AFF1: variants seen among roughly 807,000 people sequenced by gnomAD.
AFF1 encodes AF4/FMR2 family member 1.
A neutral mutation model predicts 121.7 loss-of-function variants in AFF1; 48 were observed. That is an observed-to-expected ratio of 0.39 (90% confidence interval 0.31 to 0.50). The LOEUF is 0.50. Among genes scored for constraint, AFF1 ranks in the 20% least tolerant of loss-of-function variants. The pLI is 0.76. For missense variants in AFF1, 1,523 were observed against 1,511.7 expected (o/e 1.01, Z -0.12); for synonymous variants, 613 against 563.0 (o/e 1.09, Z -1.26).
At chr4:87,035,597 G>T (rs1432519162) in intron 2 of AFF1, among the ~76,000 whole-genome samples, 1 of 151,848 alleles carries the variant, frequency 6.6e-6, no homozygotes, top group East Asian at 1.9e-4. Context: ...CTTTAGTCCT[G>T]TAGGCACCAG....
chr4:86,983,562 A>G (rs754496721), intron 2 of AFF1, among the ~76,000 whole-genome samples: 1 of 151,804 alleles, frequency 6.6e-6, no homozygotes, highest in Non-Finnish European at 1.5e-5. Flanking sequence ...TAAAAATACT[A>G]AAAATATAAA....
At chr4:87,127,758 T>G in intron 16 of AFF1, 55 bp downstream of exon 16, 1 of 1,562,632 alleles carries the variant, frequency 6.4e-7, no homozygotes, top group Non-Finnish European at 8.8e-7. Context: ...GTAAAAAAAA[T>G]TTTTGGTAGT....
chr4:86,958,484 A>G (rs1194668525), intron 2 of AFF1, among the ~76,000 whole-genome samples: 1 of 151,390 alleles, frequency 6.6e-6, no homozygotes, highest in African/African-American at 2.4e-5. Context: ...TTGGGAGGCC[A>G]CGGTGGGTAA....
chr4:87,105,794 T>C lies in AFF1; in HGVS notation c.1339-14T>C, dbSNP rs769015977. On this transcript the variant is annotated splice_polypyrimidine_tract_variant and intron_variant, in intron 9 of 20. Coordinates refer to ENST00000395146, the MANE Select transcript of AFF1 (RefSeq NM_001166693.3). ...CTTTTCCTGGTCTTTCTTCCCCTTA[T>C]TGTGAATGCCTAGACCCCAGAGAAG... The C allele has an allele frequency of 6.2e-7, 1 of 1,614,132 alleles. No homozygotes were observed. Among genetic ancestry groups the C allele is most frequent in the Non-Finnish European group, 8.5e-7 (1 of 1,180,016 alleles).
At chr4:86,950,862 T>C (rs764816057) in intron 2 of AFF1, among the ~76,000 whole-genome samples, 1 of 152,254 alleles carries the variant, frequency 6.6e-6, no homozygotes, top group Non-Finnish European at 1.5e-5. Flanking sequence ...TGTAGTTAAA[T>C]GTCTTGTCCT....
At chr4:86,972,856 T>A (rs908622399) in intron 2 of AFF1, among the ~76,000 whole-genome samples, 1 of 152,218 alleles carries the variant, frequency 6.6e-6, no homozygotes, top group African/African-American at 2.4e-5. Flanking sequence ...TATTTAGATT[T>A]ATTCCACTGC....
intron 10 of AFF1, 149 bp from the exon 11 acceptor site, chr4:87,108,010 G>T: frequency 2.9e-6 from 2 of 701,102 alleles, no homozygotes; most frequent in Non-Finnish European, 4.3e-6. Context: ...AAACTACTTT[G>T]GGCCTCTCTC....
chr4:87,105,832 T>C lies in AFF1; in HGVS notation c.1363T>C (p.Ser455Pro). Reference protein sequence around the residue: ...EQTPEKPPSSSAPPSAPQSLP... With the variant: ...EQTPEKPPSSPAPPSAPQSLP... Reference sequence around the variant, plus strand: ...GACCCCAGAGAAGCCTCCCTCCTCATCTGCACCTCCAAGGTACCGTGTGGG... The same window carrying C: ...GACCCCAGAGAAGCCTCCCTCCTCACCTGCACCTCCAAGGTACCGTGTGGG... Residue 455 changes from serine to proline, a missense_variant, in exon 10 of 21, where the codon TCT becomes CCT. This residue lies in a region of AFF1 where 905 missense variants were observed against 842.5 expected (regional missense o/e 1.07). Transcript: ENST00000395146. The C allele has an allele frequency of 1.2e-6, 2 of 1,614,166 alleles. No homozygotes were observed. The highest frequency in any genetic ancestry group is 1.7e-6 in the Non-Finnish European group (2 of 1,180,020).
chr4:87,116,968 C>G (rs548045245), intron 12 of AFF1, among the ~76,000 whole-genome samples: 1 of 152,268 alleles, frequency 6.6e-6, no homozygotes, highest in East Asian at 1.9e-4. Flanking sequence ...GCTCCCTGTC[C>G]TGGTAAATCT....
intron 2 of AFF1, among the ~76,000 whole-genome samples, chr4:87,018,377 G>A (rs1400626983): frequency 6.6e-6 from 1 of 152,210 alleles, no homozygotes; most frequent in African/African-American, 2.4e-5. Flanking sequence ...GAATAATAGG[G>A]GGTGGGGAAT....
At chr4:86,990,075 A>G (rs1267979416) in intron 2 of AFF1, among the ~76,000 whole-genome samples, 2 of 152,158 alleles carry the variant, frequency 1.3e-5, no homozygotes, top group Admixed American at 1.3e-4. Context: ...TACCCAATGT[A>G]GATGACAGGT....
chr4:87,129,181 G>A (rs1288011606), intron 16 of AFF1, among the ~76,000 whole-genome samples: 1 of 152,166 alleles, frequency 6.6e-6, no homozygotes, highest in African/African-American at 2.4e-5. Context: ...CTTAAAATAT[G>A]CCAGCTTGGA....
At chr4:86,999,636 A>G (rs1214845036) in intron 2 of AFF1, among the ~76,000 whole-genome samples, 3 of 152,200 alleles carry the variant, frequency 2.0e-5, no homozygotes, top group Admixed American at 2.0e-4. Context: ...GTTACTGATG[A>G]TATTGTACAA....
At chr4:87,038,984 GGCCGTGA>G (rs1247602581) in intron 2 of AFF1, among the ~76,000 whole-genome samples, 1 of 152,072 alleles carries the variant, frequency 6.6e-6, no homozygotes, top group African/African-American at 2.4e-5. Flanking sequence ...CAGCCCTGTG[GGCCGTGA>G]GTTGCCATGG....
chr4:87,099,678 G>C (rs1725225998), intron 8 of AFF1, among the ~76,000 whole-genome samples: 1 of 152,202 alleles, frequency 6.6e-6, no homozygotes, highest in African/African-American at 2.4e-5. Flanking sequence ...CAAAGTGCTT[G>C]GATTACAGGC....
At chr4:86,949,178 A>T (rs918894530) in intron 2 of AFF1, among the ~76,000 whole-genome samples, 70 of 106,936 alleles carry the variant, frequency 6.5e-4, no homozygotes, top group East Asian at 2.3e-3. Context: ...ATATATATAT[A>T]TATTTTTTTT....
At chr4:87,021,957 C>G (rs1007614011) in intron 2 of AFF1, among the ~76,000 whole-genome samples, 2 of 152,164 alleles carry the variant, frequency 1.3e-5, no homozygotes, top group South Asian at 4.1e-4. Flanking sequence ...AATCTCAGCA[C>G]TTTGGGAGGC....
chr4:87,044,389 A>ACTC (rs1730463775), intron 2 of AFF1, among the ~76,000 whole-genome samples: 1 of 152,090 alleles, frequency 6.6e-6, no homozygotes, highest in Non-Finnish European at 1.5e-5. Context: ...GCACCAAGAG[A>ACTC]GGTGCTAAAT....
At chr4:87,065,054 G>C (rs10018904) in intron 4 of AFF1, among the ~76,000 whole-genome samples, 59,447 of 151,842 alleles carry the variant, frequency 0.39, 11,856 homozygotes, top group Middle Eastern at 0.42. Context: ...ATATAGTGTG[G>C]GGACACCAAC....
Sources: allele counts gnomAD v4.1 joint callset (sites outside exome capture counted in the v4.1 genomes callset), GRCh38; gene constraint gnomAD v4.1.1; regional missense constraint gnomAD v4.1.1; transcripts MANE v1.5; gene names NCBI Gene and HGNC (gene_info 2026-07-23, HGNC 2026-07-21).